ITFG1: variants seen among roughly 807,000 people sequenced by gnomAD.
ITFG1 encodes integrin alpha FG-GAP repeat containing 1.
In ITFG1, 34 loss-of-function variants were observed where a neutral mutation model predicts 81.8. The ratio of observed to expected loss-of-function variants is 0.42; its 90% CI spans 0.32 to 0.55. The LOEUF (loss-of-function observed/expected upper bound fraction) is 0.55. ITFG1 is among the 20% of genes least tolerant of loss of function. ITFG1 has a pLI of 0.17. For synonymous variants in ITFG1, 285 were observed against 270.6 expected, an observed-to-expected ratio of 1.05 and a Z score of -0.52; for missense variants, 672 against 755.4, an observed-to-expected ratio of 0.89 and a Z score of 1.29.
At chr16:47,292,072 G>A (rs1261178889) in intron 10 of ITFG1, among the ~76,000 whole-genome samples, 1 of 151,334 alleles carries the variant, frequency 6.6e-6, no homozygotes. Flanking sequence ...GGAGTGCAGT[G>A]GTACAATCTC....
chr16:47,362,019 C>G (rs1350193064), intron 8 of ITFG1, among the ~76,000 whole-genome samples: 2 of 152,304 alleles, frequency 1.3e-5, no homozygotes, highest in Middle Eastern at 3.4e-3. Flanking sequence ...AATGTGATAA[C>G]TTTAAAGCGT....
At chr16:47,256,093 A>G (rs1966136475) in intron 12 of ITFG1, among the ~76,000 whole-genome samples, 1 of 151,852 alleles carries the variant, frequency 6.6e-6, no homozygotes, top group Non-Finnish European at 1.5e-5. Flanking sequence ...CCTCCTGAGT[A>G]GCTAGGACTA....
chr16:47,387,403 T>A (rs184157955), intron 6 of ITFG1, among the ~76,000 whole-genome samples: 57 of 152,228 alleles, frequency 3.7e-4, no homozygotes, highest in Non-Finnish European at 7.4e-4. Flanking sequence ...CTCCATTTTT[T>A]AATATTTGTC....
intron 11 of ITFG1, among the ~76,000 whole-genome samples, chr16:47,259,689 T>G (rs1287118257): frequency 2.0e-5 from 3 of 152,220 alleles, no homozygotes; most frequent in African/African-American, 4.8e-5. Context: ...TGTGATACAT[T>G]AATTCTGGAA....
chr16:47,303,915 C>T (rs1267902868), intron 10 of ITFG1, among the ~76,000 whole-genome samples: 2 of 152,168 alleles, frequency 1.3e-5, no homozygotes, highest in Admixed American at 1.3e-4. Context: ...CAGACTTGAG[C>T]CACCACACCT....
At chr16:47,402,735 G>T (rs573005008) in intron 6 of ITFG1, among the ~76,000 whole-genome samples, 1 of 152,242 alleles carries the variant, frequency 6.6e-6, no homozygotes, top group South Asian at 2.1e-4. Context: ...ACGCACATAA[G>T]GAGGCTATGT....
intron 7 of ITFG1, among the ~76,000 whole-genome samples, chr16:47,371,037 T>G (rs979040444): frequency 1.3e-5 from 2 of 152,226 alleles, no homozygotes; most frequent in African/African-American, 4.8e-5. Context: ...TTCTTACCGA[T>G]CTGCACTGTT....
At chr16:47,267,338 T>C (rs76758012) in intron 10 of ITFG1, among the ~76,000 whole-genome samples, 61 of 152,304 alleles carry the variant, frequency 4.0e-4, no homozygotes, top group Admixed American at 7.8e-4. Flanking sequence ...AGTCATTTCA[T>C]ATAAAAGAGT....
At chr16:47,352,906 T>C (rs537804895) in intron 8 of ITFG1, among the ~76,000 whole-genome samples, 1 of 152,282 alleles carries the variant, frequency 6.6e-6, no homozygotes, top group Non-Finnish European at 1.5e-5. Flanking sequence ...ATCTCCTTTG[T>C]AGCGACATGG....
At chr16:47,367,964 G>A (rs1968198561) in intron 7 of ITFG1, among the ~76,000 whole-genome samples, 1 of 151,542 alleles carries the variant, frequency 6.6e-6, no homozygotes, top group South Asian at 2.1e-4. Flanking sequence ...TTGGCCCAGC[G>A]CAGTGGCTCA....
At chr16:47,346,147 G>A (rs1402326796) in intron 8 of ITFG1, among the ~76,000 whole-genome samples, 1 of 152,194 alleles carries the variant, frequency 6.6e-6, no homozygotes, top group African/African-American at 2.4e-5. Flanking sequence ...TGGTCTTACA[G>A]AATGAGTTTG....
chr16:47,421,584 T>G (rs905012934), intron 6 of ITFG1, among the ~76,000 whole-genome samples: 5 of 152,140 alleles, frequency 3.3e-5, no homozygotes, highest in African/African-American at 1.2e-4. Context: ...ATTACAGGGG[T>G]GAGCCACCAT....
chr16:47,283,349 C>A (rs1265893896), intron 10 of ITFG1, among the ~76,000 whole-genome samples: 2 of 152,126 alleles, frequency 1.3e-5, no homozygotes, highest in Non-Finnish European at 2.9e-5. Context: ...GTCCTCTCCC[C>A]ATTGTGTATT....
At chr16:47,186,075 C>T (rs549391068) in intron 14 of ITFG1, among the ~76,000 whole-genome samples, 118 of 152,218 alleles carry the variant, frequency 7.8e-4, no homozygotes, top group Non-Finnish European at 1.3e-3. Flanking sequence ...AGTTGAATCT[C>T]TGAATAGACC....
At chr16:47,384,798 C>T (rs901912327) in intron 6 of ITFG1, among the ~76,000 whole-genome samples, 3 of 152,218 alleles carry the variant, frequency 2.0e-5, no homozygotes, top group South Asian at 2.1e-4. Context: ...CAAATGATGG[C>T]GGGGCATGGT....
intron 12 of ITFG1, among the ~76,000 whole-genome samples, chr16:47,250,149 T>A (rs1440818304): frequency 6.6e-6 from 1 of 152,200 alleles, no homozygotes; most frequent in African/African-American, 2.4e-5. Flanking sequence ...TTCCAGACAT[T>A]CTTGTCATTT....
At chr16:47,293,866 T>C (rs1262243781) in intron 10 of ITFG1, among the ~76,000 whole-genome samples, 1 of 152,154 alleles carries the variant, frequency 6.6e-6, no homozygotes, top group Non-Finnish European at 1.5e-5. Flanking sequence ...AGCTTTTTAG[T>C]TCAATTAAGT....
intron 6 of ITFG1, among the ~76,000 whole-genome samples, chr16:47,422,591 G>A (rs1001380669): frequency 2.6e-5 from 4 of 152,252 alleles, no homozygotes; most frequent in Admixed American, 2.0e-4. Flanking sequence ...TGTACCTCTG[G>A]TAGAATTCGG....
intron 8 of ITFG1, among the ~76,000 whole-genome samples, chr16:47,352,224 A>C (rs1051667942): frequency 2.0e-5 from 3 of 152,194 alleles, no homozygotes; most frequent in Non-Finnish European, 4.4e-5. Context: ...TAATTAAACT[A>C]AAGAGCTTCT....
Sources: gnomAD v4.1 joint callset for allele counts (sites outside exome capture counted in the v4.1 genomes callset) on GRCh38, gnomAD v4.1.1 for gene constraint, MANE v1.5 for transcripts, NCBI Gene and HGNC (gene_info 2026-07-23, HGNC 2026-07-21) for gene names.